Variants in SDHAF2 observed in about 807,000 individuals in gnomAD.
SDHAF2 encodes the protein succinate dehydrogenase assembly factor 2, mitochondrial.
In SDHAF2, 21 loss-of-function variants were observed where a neutral mutation model predicts 18.5. The ratio of observed to expected loss-of-function variants is 1.13; its 90% CI spans 0.80 to 1.63. The LOEUF (loss-of-function observed/expected upper bound fraction) is 1.63, where lower values mean the gene tolerates loss of function less well. Among genes scored for constraint, SDHAF2 ranks in the 40% most tolerant of loss-of-function variants. SDHAF2 has a pLI of 0.00. For synonymous variants in SDHAF2, 84 were observed against 70.7 expected, an observed-to-expected ratio of 1.19 and a Z score of -0.94; for missense variants, 195 against 200.3, an observed-to-expected ratio of 0.97 and a Z score of 0.16.
chr11:61,445,270 C>T (rs191576031), intron 3 of SDHAF2, among the ~76,000 whole-genome samples: 2 of 152,138 alleles, frequency 1.3e-5, no homozygotes, highest in Non-Finnish European at 2.9e-5. Flanking sequence ...GGGGGAGCAG[C>T]ACACTGCCAG....
At chr11:61,441,631 G>A (rs1176592042) in intron 3 of SDHAF2, among the ~76,000 whole-genome samples, 2 of 152,070 alleles carry the variant, frequency 1.3e-5, no homozygotes, top group Non-Finnish European at 2.9e-5. Context: ...AAACTTACAG[G>A]GACAAATCAG....
chr11:61,437,019 A>G, intron 1 of SDHAF2: 2 of 1,169,860 alleles, frequency 1.7e-6, no homozygotes, highest in African/African-American at 1.6e-5. Flanking sequence ...AAAGGAAGGA[A>G]AAATTATTTC....
intron 3 of SDHAF2, among the ~76,000 whole-genome samples, chr11:61,443,966 G>A (rs563387124): frequency 9.1e-4 from 139 of 152,240 alleles, no homozygotes; most frequent in African/African-American, 3.3e-3. Context: ...GTAGAGACGG[G>A]GTTTCACCGT....
intron 3 of SDHAF2, among the ~76,000 whole-genome samples, chr11:61,443,751 A>T (rs931368759): frequency 6.6e-6 from 1 of 150,850 alleles, no homozygotes; most frequent in Non-Finnish European, 1.5e-5. Flanking sequence ...AGCTGAGACT[A>T]CAATCACGTG....
At chr11:61,442,884 A>C (rs1400359990) in intron 3 of SDHAF2, among the ~76,000 whole-genome samples, 1 of 152,104 alleles carries the variant, frequency 6.6e-6, no homozygotes, top group Non-Finnish European at 1.5e-5. Flanking sequence ...CTCCTGAGCA[A>C]CTGGGACCAC....
intron 3 of SDHAF2, among the ~76,000 whole-genome samples, chr11:61,441,203 C>T (rs1565129496): frequency 6.6e-6 from 1 of 152,102 alleles, no homozygotes; most frequent in Non-Finnish European, 1.5e-5. Context: ...TCTTAGCTCA[C>T]AGGGCATAGT....
At chr11:61,438,175 G>C in intron 3 of SDHAF2, 62 bp downstream of exon 3, 1 of 1,229,174 alleles carries the variant, frequency 8.1e-7, no homozygotes, top group South Asian at 1.2e-5. Context: ...TTTGAGTCTA[G>C]AATTGTATCC....
At chr11:61,431,885 T>G (rs1425229210) in intron 1 of SDHAF2, 2 of 152,374 alleles carry the variant, frequency 1.3e-5, no homozygotes, top group Non-Finnish European at 2.9e-5. Flanking sequence ...AGAGACGAGA[T>G]TTCACCGTGT....
Position 61,430,389 on chromosome 11 carries a change from T to G in SDHAF2, c.36+207T>G. Reference sequence around the variant, plus strand: ...CCTACTGTGTGCCGGTCTGGAAATATCTGCTTAAACGATCAGTCATCGTCC... The same window carrying G: ...CCTACTGTGTGCCGGTCTGGAAATAGCTGCTTAAACGATCAGTCATCGTCC... On this transcript the variant is annotated intron_variant, in intron 1 of 3. Transcript: ENST00000301761. 6.2e-6 allele frequency: 4 copies of G among 645,832 alleles called. No homozygotes were observed. In the South Asian group the frequency reaches 7.6e-5, roughly 12 times the overall value. The allele number at this position is 645,832 out of a possible 1,614,324, so 40.0% of individuals were successfully genotyped here.
chr11:61,445,258 CA>C (rs946734129), intron 3 of SDHAF2, among the ~76,000 whole-genome samples: 2 of 151,848 alleles, frequency 1.3e-5, no homozygotes, highest in African/African-American at 4.8e-5. Context: ...AGAGAAAGGT[CA>C]GGGGGAGCAG....
At chr11:61,445,203 G>A (rs1490648303) in intron 3 of SDHAF2, among the ~76,000 whole-genome samples, 1 of 152,138 alleles carries the variant, frequency 6.6e-6, no homozygotes, top group African/African-American at 2.4e-5. Context: ...GGCAGTGGGA[G>A]GCTTTGCTTG....
intron 1 of SDHAF2, chr11:61,432,635 T>C (rs1472925350): frequency 1.3e-5 from 2 of 152,226 alleles, no homozygotes; most frequent in Non-Finnish European, 2.9e-5. Context: ...AACTGTTCTC[T>C]GTCTTACAAC....
chr11:61,442,507 C>A, intron 3 of SDHAF2, among the ~76,000 whole-genome samples: 1 of 152,076 alleles, frequency 6.6e-6, no homozygotes, highest in East Asian at 1.9e-4. Flanking sequence ...TGGTTTCTAG[C>A]CGTTTCAATA....
Position 61,446,146 on chromosome 11 carries a change from C to T in SDHAF2, c.*75C>T. 1.3e-6 allele frequency: 2 copies of T among 1,580,640 alleles called. No homozygotes were observed. The highest frequency in any genetic ancestry group is 1.7e-6 in the Non-Finnish European group (2 of 1,153,280). On this transcript the variant is annotated 3_prime_UTR_variant, in exon 4 of 4. Transcript: ENST00000301761. ...CTTATGATGGACGTTAGCCTTGCTT[C>T]CGGCTTCTTAGATGCCCAGCTGCCC... is the stretch of plus-strand genomic sequence containing the variant.
At chr11:61,444,522 C>T (rs1333261013) in intron 3 of SDHAF2, 3 of 152,008 alleles carry the variant, frequency 2.0e-5, no homozygotes, top group Non-Finnish European at 4.4e-5. Flanking sequence ...ATCACAAGGT[C>T]AGGAGACCAA....
chr11:61,446,310 C>T lies in SDHAF2; in HGVS notation c.*239C>T. On this transcript the variant is annotated 3_prime_UTR_variant, in exon 4 of 4. Transcript: ENST00000301761. ...AAAAGTGATTTGTCAGCAGCGCTGG[C>T]ATGCAGGCTTTGCCTGGCTGCTATC... is the stretch of plus-strand genomic sequence containing the variant. The T allele has an allele frequency of 1.6e-6, 1 of 613,778 alleles. No individual in the cohort carries two copies. The highest frequency in any genetic ancestry group is 1.9e-5 in the South Asian group (1 of 51,884). The allele number at this position is 613,778 out of a possible 1,614,324, so 38.0% of individuals were successfully genotyped here.
chr11:61,442,072 T>C (rs193214408), intron 3 of SDHAF2, among the ~76,000 whole-genome samples: 110 of 152,142 alleles, frequency 7.2e-4, no homozygotes, highest in Non-Finnish European at 1.3e-3. Flanking sequence ...GTTGTATTTT[T>C]TGTGGAGATG....
At chr11:61,445,736 G>A (rs1862129366) in intron 3 of SDHAF2, among the ~76,000 whole-genome samples, 1 of 152,218 alleles carries the variant, frequency 6.6e-6, no homozygotes, top group Admixed American at 6.5e-5. Context: ...GGGAGCAGCT[G>A]TTCCAATAAA....
chr11:61,430,349 C>G, intron 1 of SDHAF2, 167 bp downstream of exon 1: 1 of 801,696 alleles, frequency 1.2e-6, no homozygotes, highest in South Asian at 1.5e-5. Context: ...AAGGTCGCTT[C>G]CATTCTTTGG....
Sources: allele counts gnomAD v4.1 joint callset (sites outside exome capture counted in the v4.1 genomes callset), GRCh38; gene constraint gnomAD v4.1.1; transcripts MANE v1.5; gene names NCBI Gene and HGNC (gene_info 2026-07-23, HGNC 2026-07-21).